Variants in SNRPN observed in about 807,000 individuals in gnomAD.
SNRPN encodes small nuclear ribonucleoprotein polypeptide N.
A neutral mutation model predicts 25.2 loss-of-function variants in SNRPN; 7 were observed. The observed-to-expected ratio is 0.28, with a 90% CI of 0.16 to 0.52. SNRPN has a LOEUF of 0.52. Ranked by LOEUF, SNRPN falls within the 20% of genes least tolerant of loss-of-function variation. The pLI is 0.96. For missense variants in SNRPN, 196 were observed against 322.5 expected (o/e 0.61, Z 3.00); for synonymous variants, 124 against 110.6 (o/e 1.12, Z -0.76).
Position 24,929,759 on chromosome 15 carries a change from G to C in SNRPN, c.-391+9635G>C, listed in dbSNP as rs1053466601. On this transcript the variant is annotated intron_variant, in intron 3 of 11. Transcript: ENST00000400097. The surrounding 1 kb of genome is among the most constrained non-coding windows in gnomAD (Gnocchi z 5.3). The stretch of plus-strand genomic sequence containing the variant: ...TAGACAGCATGAGAGCAGGGTCCAT[G>C]TGATGATTTTTCTGTCAGTATCAGT... Among the ~76,000 whole-genome samples the C allele has an allele frequency of 6.6e-6, 1 of 152,192 alleles. No individual in the cohort carries two copies. Among genetic ancestry groups the C allele is most frequent in the Non-Finnish European group, 1.5e-5 (1 of 68,036 alleles).
At chr15:24,893,697 A>G (rs2057856385) in intron 2 of SNRPN, among the ~76,000 whole-genome samples, 1 of 121,750 alleles carries the variant, frequency 8.2e-6, no homozygotes, top group Non-Finnish European at 1.7e-5. Flanking sequence ...GTACATTCCC[A>G]TTAAAAAAAA....
chr15:24,834,147 A>G (rs1320840497), intron 2 of SNRPN, among the ~76,000 whole-genome samples: 1 of 152,090 alleles, frequency 6.6e-6, no homozygotes, highest in Non-Finnish European at 1.5e-5. Context: ...GCTTGTCTCA[A>G]ACTCCTGACC....
At chr15:24,941,726 A>G (rs2061567324) in intron 3 of SNRPN, among the ~76,000 whole-genome samples, 1 of 152,130 alleles carries the variant, frequency 6.6e-6, no homozygotes, top group African/African-American at 2.4e-5. Flanking sequence ...GTTGATTCAA[A>G]GGCATGAGGA....
At chr15:24,881,554 AGGGAGGGAGGGAGGGAGGGAGG>A (rs1883068268) in intron 1 of SNRPN, among the ~76,000 whole-genome samples, 3 of 56,772 alleles carry the variant, frequency 5.3e-5, no homozygotes, top group Admixed American at 2.7e-4. Flanking sequence ...AGAGAGAGAG[AGGGAGGGAGGGAGGGAGGGAGG>A]GAGGGAGGGA....
At chr15:24,967,110 C>A (rs2075753676) in intron 2 of SNRPN, 1 of 152,196 alleles carries the variant, frequency 6.6e-6, no homozygotes, top group Non-Finnish European at 1.5e-5. Context: ...TCCCTCCCCT[C>A]ACCCCTGGGG....
chr15:24,976,077 C>T (rs1009673391), intron 5 of SNRPN, among the ~76,000 whole-genome samples: 2 of 152,110 alleles, frequency 1.3e-5, no homozygotes, highest in African/African-American at 4.8e-5. Context: ...TGTAGTGTAA[C>T]ATCAAAGGAA....
intron 2 of SNRPN, among the ~76,000 whole-genome samples, chr15:24,840,579 C>G (rs554687640): frequency 1.3e-5 from 2 of 152,144 alleles, no homozygotes; most frequent in Admixed American, 6.6e-5. Context: ...CCTGCTGCTG[C>G]AAAGGGTTCC....
At chr15:24,918,207 A>G (rs2152425682) in intron 2 of SNRPN, among the ~76,000 whole-genome samples, 1 of 151,382 alleles carries the variant, frequency 6.6e-6, no homozygotes, top group East Asian at 1.9e-4. Context: ...AATATCTCTA[A>G]TGGACAGAGG....
At chr15:24,953,425 G>T (rs1424132566), upstream of SNRPN, among the ~76,000 whole-genome samples, 1 of 152,178 alleles carries the variant, frequency 6.6e-6, no homozygotes, top group Non-Finnish European at 1.5e-5. Context: ...CCACGTTCAA[G>T]CAATTCTCCT....
chr15:24,838,013 G>T (rs1389544550), intron 2 of SNRPN, among the ~76,000 whole-genome samples: 1 of 147,128 alleles, frequency 6.8e-6, no homozygotes, highest in African/African-American at 2.5e-5. Flanking sequence ...ATGAGCCACT[G>T]TGCCCGGCCA....
At chr15:24,918,705 T>C (rs62652905) in intron 2 of SNRPN, among the ~76,000 whole-genome samples, 2,001 of 104,122 alleles carry the variant, frequency 0.019, 164 homozygotes, top group East Asian at 0.061. Context: ...TATATATGTG[T>C]GCATATATAT....
chr15:24,855,504 C>T (rs976909083), upstream of SNRPN, among the ~76,000 whole-genome samples: 1 of 152,024 alleles, frequency 6.6e-6, no homozygotes, highest in Non-Finnish European at 1.5e-5. Flanking sequence ...AAATGTTACT[C>T]TAGGGCCAGG....
rs920200728 is a variant in SNRPN, at chr15:24,974,386, G to A, written c.-68G>A. Reference sequence around the variant, plus strand: ...AACCTGCGTCATACCTTTATCTATAGCCTTCCCCTAGGTCTTCAGAAGCAT... The same window carrying A: ...AACCTGCGTCATACCTTTATCTATAACCTTCCCCTAGGTCTTCAGAAGCAT... On this transcript the variant is annotated 5_prime_UTR_variant, in exon 4 of 10. Transcript: ENST00000390687. The A allele has an allele frequency of 8.1e-6, 12 of 1,485,784 alleles. No homozygotes were observed. Among genetic ancestry groups the A allele is most frequent in the Non-Finnish European group, 1.0e-5 (11 of 1,063,232 alleles). The allele number at this position is 1,485,784 out of a possible 1,614,324, so 92.0% of individuals were successfully genotyped here.
At position 24,898,457 on chromosome 15, in the gene SNRPN, G is replaced by A. The variant is rs182210065; in HGVS notation, c.-505+11868G>A. On this transcript the variant is annotated intron_variant, in intron 2 of 11. Coordinates refer to the SNRPN transcript ENST00000400097. ...ACAAAAATTAGCTGGGCATGGTGGC[G>A]GGCTCCTGTAGTCCCAGCTACTCGG... is the stretch of plus-strand genomic sequence containing the variant. Among the ~76,000 whole-genome samples, 6 of 152,076 alleles carry A rather than the reference G, an allele frequency of 3.9e-5. No individual in the cohort carries two copies. In the East Asian group the frequency reaches 5.8e-4, roughly 15 times the overall value.
chr15:24,921,467 G>A (rs980782323), intron 3 of SNRPN, among the ~76,000 whole-genome samples: 18 of 152,320 alleles, frequency 1.2e-4, no homozygotes, highest in Admixed American at 1.2e-3. Context: ...AGGTAAGGGA[G>A]TGGAAGCAAC....
At chr15:24,956,354 C>CGGAGGG (rs66513284) in intron 1 of SNRPN, among the ~76,000 whole-genome samples, 2 of 138,224 alleles carry the variant, frequency 1.4e-5, no homozygotes, top group Admixed American at 1.5e-4. Context: ...AGCGCTTCAG[C>CGGAGGG]GGGGGGGTGG....
chr15:24,868,125 A>ATATATATATACATATGTGTG (rs2054758628), intron 1 of SNRPN, among the ~76,000 whole-genome samples: 1 of 150,004 alleles, frequency 6.7e-6, no homozygotes, highest in Non-Finnish European at 1.5e-5. Flanking sequence ...GTGTGTGTAT[A>ATATATATATACATATGTGTG]TATATATATA....
intron 7 of SNRPN, 119 bp from the exon 8 acceptor site, chr15:24,977,659 A>G: frequency 1.0e-6 from 1 of 974,522 alleles, no homozygotes; most frequent in Admixed American, 3.1e-5. Flanking sequence ...GGGAATAATG[A>G]GAGAAGTACA....
At chr15:24,956,547 C>G (rs533449806) in intron 1 of SNRPN, among the ~76,000 whole-genome samples, 1 of 152,210 alleles carries the variant, frequency 6.6e-6, no homozygotes, top group African/African-American at 2.4e-5. Flanking sequence ...GTTGCGCAGA[C>G]GCAGCAGAGG....
Sources: gnomAD v4.1 joint callset for allele counts (sites outside exome capture counted in the v4.1 genomes callset) on GRCh38, gnomAD v4.1.1 for gene constraint, Gnocchi (gnomAD v3.1) non-coding constraint, MANE v1.5 for transcripts, NCBI Gene and HGNC (gene_info 2026-07-23, HGNC 2026-07-21) for gene names.